Variants in CDKN2B-AS1 observed in about 807,000 individuals in gnomAD.
CDKN2B-AS1 encodes the protein CDKN2B and CDKN2A antisense cis and trans regulatory RNA 1, also known as CDKN2B antisense RNA 1 (non-protein coding).
chr9:22,006,478 C>T lies in CDKN2B-AS1; in HGVS notation n.29+11317C>T, dbSNP rs910006813. Among the ~76,000 whole-genome samples the T allele has an allele frequency of 6.6e-6, 1 of 152,308 alleles. No individual in the cohort carries two copies. Among genetic ancestry groups the T allele is most frequent in the South Asian group, 2.1e-4 (1 of 4,832 alleles). Reference sequence around the variant, plus strand: ...TACAAATTAAATGCCATTTTATTCTCTAAACGTGCAGAGACAAGAAAGTTG... The same window carrying T: ...TACAAATTAAATGCCATTTTATTCTTTAAACGTGCAGAGACAAGAAAGTTG... On this transcript the variant is annotated intron_variant and non_coding_transcript_variant, in intron 1 of 4. Transcript: ENST00000650946. The surrounding 1 kb of genome is among the most constrained non-coding windows in gnomAD (Gnocchi z 6.4).
At chr9:22,096,336 C>T (rs2131348993) in intron 4 of CDKN2B-AS1, 1 of 152,270 alleles carries the variant, frequency 6.6e-6, no homozygotes, top group Non-Finnish European at 1.5e-5. Flanking sequence ...GGACACCATT[C>T]GTTCATTCCT....
At chr9:22,102,513 C>G (rs1458425654) in intron 4 of CDKN2B-AS1, among the ~76,000 whole-genome samples, 2 of 152,142 alleles carry the variant, frequency 1.3e-5, no homozygotes, top group African/African-American at 4.8e-5. Flanking sequence ...GGCAGAGGCT[C>G]TTGGGGAGAA....
chr9:22,103,201 GT>G (rs1050220934), intron 4 of CDKN2B-AS1, among the ~76,000 whole-genome samples: 7 of 150,618 alleles, frequency 4.6e-5, no homozygotes, highest in African/African-American at 1.7e-4. Context: ...GAGGGGAGGG[GT>G]GCCCAGAAAA....
intron 4 of CDKN2B-AS1, among the ~76,000 whole-genome samples, chr9:22,096,987 A>T (rs1300739290): frequency 6.6e-6 from 1 of 152,056 alleles, no homozygotes; most frequent in Non-Finnish European, 1.5e-5. Flanking sequence ...GTTGTGTCCT[A>T]TATGGTGTAG....
In CDKN2B-AS1 at chr9:22,085,490, G is replaced by T. The variant is rs185420696; in HGVS notation, n.438+29103G>T. On this transcript the variant is annotated intron_variant and non_coding_transcript_variant, in intron 4 of 4. Transcript: ENST00000650946. ...ATTCCCAGCACTTTGGGAGGCTGAG[G>T]CGGGCGGATCACGAGGTCAGGAGAT... Among the ~76,000 whole-genome samples, 1,476 of 152,262 alleles carry T rather than the reference G, an allele frequency of 9.7e-3. 20 individuals carry two copies. Among genetic ancestry groups the T allele is most frequent in the African/African-American group, 0.034 (1,399 of 41,546 alleles).
At chr9:22,057,522 G>C (rs533897072) in intron 4 of CDKN2B-AS1, among the ~76,000 whole-genome samples, 75 of 152,272 alleles carry the variant, frequency 4.9e-4, no homozygotes, top group African/African-American at 1.7e-3. Context: ...AAGTGATATA[G>C]TATTGGCCAG....
chr9:22,107,829 G>A (rs1407298691), intron 4 of CDKN2B-AS1, among the ~76,000 whole-genome samples: 4 of 152,184 alleles, frequency 2.6e-5, no homozygotes, highest in East Asian at 3.8e-4. Flanking sequence ...TTAGTTTTAG[G>A]TGAACTTCCT....
rs1823413368 is a variant in CDKN2B-AS1, at chr9:22,052,896, C to T, written n.303-3356C>T. ...ATGCTGTCATTTTTTCTCATCCTGCCCCTTTATTTTGATGATTCCACATTG... is the reference window on the plus strand; with the variant it reads ...ATGCTGTCATTTTTTCTCATCCTGCTCCTTTATTTTGATGATTCCACATTG... On this transcript the variant is annotated intron_variant and non_coding_transcript_variant, in intron 3 of 4. Coordinates refer to ENST00000650946, the Ensembl canonical transcript of CDKN2B-AS1. Among the ~76,000 whole-genome samples the T allele has an allele frequency of 2.6e-5, 4 of 152,206 alleles. No homozygotes were observed. In the South Asian group the frequency reaches 8.3e-4, roughly 31 times the overall value.
intron 4 of CDKN2B-AS1, among the ~76,000 whole-genome samples, chr9:22,078,384 G>A (rs1824576465): frequency 6.6e-6 from 1 of 151,916 alleles, no homozygotes; most frequent in South Asian, 2.1e-4. Flanking sequence ...TGCGCTTTCT[G>A]AAATGTTTCT....
intron 4 of CDKN2B-AS1, among the ~76,000 whole-genome samples, chr9:22,095,240 G>A (rs1825233203): frequency 6.9e-6 from 1 of 144,864 alleles, no homozygotes; most frequent in Non-Finnish European, 1.5e-5. Flanking sequence ...GTGCCTCACA[G>A]TTAGGCTACT....
At chr9:22,120,649 C>T (rs773498154) in intron 4 of CDKN2B-AS1, 9 of 151,918 alleles carry the variant, frequency 5.9e-5, no homozygotes, top group Non-Finnish European at 1.3e-4. Context: ...ATTAAAAAGT[C>T]ACAAGAAAGG....
chr9:22,070,992 C>A (rs893020049), intron 4 of CDKN2B-AS1, among the ~76,000 whole-genome samples: 3 of 152,038 alleles, frequency 2.0e-5, no homozygotes, highest in Admixed American at 2.0e-4. Context: ...CACAGTGGAC[C>A]AATGGGGGAA....
chr9:22,099,088 C>T (rs1305419451), intron 4 of CDKN2B-AS1, among the ~76,000 whole-genome samples: 3 of 152,168 alleles, frequency 2.0e-5, no homozygotes, highest in African/African-American at 4.8e-5. Context: ...TGGCAGTTTT[C>T]CCAGAGATGA....
intron 4 of CDKN2B-AS1, among the ~76,000 whole-genome samples, chr9:22,061,659 G>C (rs547889718): frequency 6.6e-6 from 1 of 152,026 alleles, no homozygotes; most frequent in Non-Finnish European, 1.5e-5. Context: ...TTAATACTCA[G>C]AATATTATTA....
intron 1 of CDKN2B-AS1, among the ~76,000 whole-genome samples, chr9:22,013,517 G>A (rs572702466): frequency 1.3e-5 from 2 of 152,026 alleles, no homozygotes; most frequent in South Asian, 2.1e-4. Flanking sequence ...AATACTGTGA[G>A]CAAGGGTCAC....
chr9:22,032,055 C>T (rs1461536269), intron 1 of CDKN2B-AS1, among the ~76,000 whole-genome samples: 1 of 152,176 alleles, frequency 6.6e-6, no homozygotes, highest in Non-Finnish European at 1.5e-5. Context: ...AGATGAGGCC[C>T]CCAGCCTTGG....
chr9:22,070,022 A>T (rs948021774), intron 4 of CDKN2B-AS1, among the ~76,000 whole-genome samples: 1 of 152,140 alleles, frequency 6.6e-6, no homozygotes, highest in Non-Finnish European at 1.5e-5. Flanking sequence ...CCTCAGATTT[A>T]ATGGTGGTAA....
chr9:22,031,287 A>G (rs1018638506), intron 1 of CDKN2B-AS1, among the ~76,000 whole-genome samples: 5 of 152,208 alleles, frequency 3.3e-5, no homozygotes, highest in African/African-American at 1.2e-4. Context: ...TTACACCTAC[A>G]GTCCATATAC....
chr9:22,009,472 G>A (rs1417003859), intron 1 of CDKN2B-AS1: 3 of 258,188 alleles, frequency 1.2e-5, no homozygotes, highest in Non-Finnish European at 2.3e-5. Context: ...GGACGCATGC[G>A]CCAGAGACTG....
Sources: gnomAD v4.1 joint callset for allele counts (sites outside exome capture counted in the v4.1 genomes callset) on GRCh38, gnomAD v4.1.1 for gene constraint, Gnocchi (gnomAD v3.1) non-coding constraint, MANE v1.5 for transcripts, NCBI Gene and HGNC (gene_info 2026-07-23, HGNC 2026-07-21) for gene names.